AGR3: variants seen among roughly 807,000 people sequenced by gnomAD.
AGR3 encodes anterior gradient protein 3.
In AGR3, 37 loss-of-function variants were observed where a neutral mutation model predicts 24.5. That is an observed-to-expected ratio of 1.51 (90% CI 1.16 to 1.99). The LOEUF (loss-of-function observed/expected upper bound fraction) is 1.99. AGR3 is among the 30% of genes most tolerant of loss of function. AGR3 has a pLI of 0.00. For synonymous variants in AGR3, 75 were observed against 61.6 expected (o/e 1.22, Z -1.02); for missense variants, 228 against 191.1 (o/e 1.19, Z -1.14).
intron 1 of AGR3, 49 bp from the exon 2 acceptor site, chr7:16,878,694 A>C: frequency 1.5e-6 from 2 of 1,351,886 alleles, no homozygotes; most frequent in Non-Finnish European, 2.1e-6. Flanking sequence ...ACTTCAAGCT[A>C]TTATTAGAAG....
At chr7:16,873,879 G>T in intron 2 of AGR3, 36 bp from the exon 3 acceptor site, 1 of 1,510,590 alleles carries the variant, frequency 6.6e-7, no homozygotes, top group Non-Finnish European at 9.2e-7. Flanking sequence ...CAGTAACCCA[G>T]AACTAGAGAA....
intron 5 of AGR3, 30 bp from the exon 6 acceptor site, chr7:16,861,477 A>G: frequency 6.4e-7 from 1 of 1,557,880 alleles, no homozygotes; most frequent in African/African-American, 1.4e-5. Flanking sequence ...AAAGAATGTT[A>G]TTGGATTCAT....
intron 3 of AGR3, among the ~76,000 whole-genome samples, chr7:16,871,961 C>G (rs1781874579): frequency 1.3e-5 from 2 of 151,912 alleles, no homozygotes; most frequent in Admixed American, 1.3e-4. Flanking sequence ...AAGAGAACAC[C>G]AAAAAATGGA....
chr7:16,877,137 G>A (rs1215609619), intron 2 of AGR3, among the ~76,000 whole-genome samples: 1 of 151,262 alleles, frequency 6.6e-6, no homozygotes, highest in Non-Finnish European at 1.5e-5. Context: ...CACTTGGCTG[G>A]CACTCAATAC....
chr7:16,875,114 C>CAA (rs58302584), intron 2 of AGR3, among the ~76,000 whole-genome samples: 6 of 135,272 alleles, frequency 4.4e-5, no homozygotes, highest in African/African-American at 1.7e-4. Context: ...GACTCCATCT[C>CAA]AAAAAAAAAA....
chr7:16,859,530 TTTC>T lies in AGR3; in HGVS notation c.*49_*51del, dbSNP rs1583833100. 7.9e-7 allele frequency: 1 copy of T among 1,272,050 alleles called. No homozygotes were observed. The highest frequency in any genetic ancestry group is 2.0e-5 in the Admixed American group (1 of 49,368). 78.8% of individuals were successfully genotyped at this position (1,272,050 alleles called of 1,614,324 possible). On this transcript the variant is annotated 3_prime_UTR_variant, in exon 8 of 8. Coordinates refer to ENST00000310398, the MANE Select transcript of AGR3 (RefSeq NM_176813.5). ...TAGTATTTGTCAATGTGCCAGAGGTTTTCTTCATGAAATTTGACTTCTTTGAAG... is the reference window on the plus strand; with the variant it reads ...TAGTATTTGTCAATGTGCCAGAGGTTTTCATGAAATTTGACTTCTTTGAAG...
chr7:16,860,008 C>A (rs1001946634), intron 7 of AGR3, among the ~76,000 whole-genome samples: 1 of 151,528 alleles, frequency 6.6e-6, no homozygotes, highest in African/African-American at 2.4e-5. Flanking sequence ...GTAATCCCAG[C>A]ATTTTGGGAG....
In AGR3 at chr7:16,864,956, A is replaced by G. The variant is rs185808716; in HGVS notation, c.174-2294T>C. 6.3e-5 allele frequency: 62 copies of G among 983,384 alleles called. No homozygotes were observed. In the African/African-American group the frequency reaches 7.9e-4, roughly 13 times the overall value. The allele number at this position is 983,384 out of a possible 1,614,324, so 60.9% of individuals were successfully genotyped here. On this transcript the variant is annotated intron_variant, in intron 3 of 7. Coordinates refer to ENST00000310398, the MANE Select transcript of AGR3 (RefSeq NM_176813.5). Reference sequence around the variant, plus strand: ...AAGTCTATGTAGTTTTGGTGAAGATATAAATTAAATAAGTCTCCTGGCATG... The same window carrying G: ...AAGTCTATGTAGTTTTGGTGAAGATGTAAATTAAATAAGTCTCCTGGCATG...
chr7:16,855,338 TC>T, downstream of AGR3, among the ~76,000 whole-genome samples: 1 of 152,254 alleles, frequency 6.6e-6, no homozygotes, highest in South Asian at 2.1e-4. Flanking sequence ...TGTTACTGTA[TC>T]CTATCCTGGA....
rs1460161966 is a variant in AGR3, at chr7:16,860,540, A to G, written c.411T>C (p.Ser137=). ...GAGGCTCATATGTGTACAATCTGTT[A>G]GAGTATCTTCCAGCTATGTCAGCTC... The part of the protein sequence containing the change: ...TVRADIAGRY[S]NRLYTYEPRD... Residue 137 remains serine, a synonymous_variant, in exon 7 of 8, where the codon TCT becomes TCC. Coordinates refer to ENST00000310398, the MANE Select transcript of AGR3 (RefSeq NM_176813.5). 2.5e-6 allele frequency: 4 copies of G among 1,613,826 alleles called. No homozygotes were observed. Among genetic ancestry groups the G allele is most frequent in the African/African-American group, 2.7e-5 (2 of 74,932 alleles).
intron 3 of AGR3, chr7:16,865,684 CT>C (rs1055063573): frequency 2.5e-6 from 2 of 802,154 alleles, no homozygotes; most frequent in Non-Finnish European, 4.5e-6. Context: ...GCATTTGTAA[CT>C]TGTTATACTT....
In AGR3 at chr7:16,862,017, C is replaced by T. The variant is rs559667259; in HGVS notation, c.270G>A (p.Met90Ile). The T allele has an allele frequency of 1.4e-5, 22 of 1,613,314 alleles. No homozygotes were observed. The African/African-American group carries it at 2.4e-4, about 18-fold the overall frequency. The stretch of plus-strand genomic sequence containing the variant: ...TTAGCATGATGAACTTATTCTGAGC[C>T]ATTTCTTGTATTTCTTCATTTTGGG... ...VFAQNEEIQE[M>I]AQNKFIMLNL... The change falls in exon 5 of 8, where the codon ATG (methionine) becomes ATA (isoleucine). Residue 90 changes from methionine to isoleucine, a missense_variant. By Grantham distance (10) the Met-to-Ile change is conservative (BLOSUM62 1). Coordinates refer to ENST00000310398, the MANE Select transcript of AGR3 (RefSeq NM_176813.5).
chr7:16,880,182 T>A (rs990129974), intron 1 of AGR3, among the ~76,000 whole-genome samples: 5 of 146,480 alleles, frequency 3.4e-5, no homozygotes, highest in African/African-American at 1.3e-4. Context: ...TTCTTTTTTT[T>A]TTTTTTTTGC....
At chr7:16,865,326 C>CTAGAGCAA in intron 3 of AGR3, 1 of 1,184,740 alleles carries the variant, frequency 8.4e-7, no homozygotes, top group South Asian at 1.3e-5. Context: ...ACCAGAACAT[C>CTAGAGCAA]CTTGACAGAG....
chr7:16,860,729 C>A, intron 6 of AGR3, 146 bp from the exon 7 acceptor site: 1 of 606,840 alleles, frequency 1.6e-6, no homozygotes, highest in Non-Finnish European at 2.9e-6. Context: ...GAAGTTTGGG[C>A]TTCAGCTGAA....
chr7:16,855,363 A>T (rs1344330746), downstream of AGR3, among the ~76,000 whole-genome samples: 1 of 151,488 alleles, frequency 6.6e-6, no homozygotes, highest in Non-Finnish European at 1.5e-5. Flanking sequence ...TAACTATGAT[A>T]TACTTCTAGA....
At chr7:16,872,368 C>T (rs771729061) in intron 3 of AGR3, among the ~76,000 whole-genome samples, 24 of 152,232 alleles carry the variant, frequency 1.6e-4, no homozygotes, top group Middle Eastern at 3.4e-3. Flanking sequence ...AGGACACCCT[C>T]TTCAATAAAT....
downstream of AGR3, among the ~76,000 whole-genome samples, chr7:16,859,231 C>A (rs926362655): frequency 1.8e-4 from 27 of 148,280 alleles, no homozygotes; most frequent in African/African-American, 4.7e-4. Context: ...GACTGCATCT[C>A]AAAAAAAAAA....
At chr7:16,867,896 A>G (rs1455917677) in intron 3 of AGR3, among the ~76,000 whole-genome samples, 1 of 152,156 alleles carries the variant, frequency 6.6e-6, no homozygotes, top group Non-Finnish European at 1.5e-5. Flanking sequence ...TTGCTGGATC[A>G]TATGGTAGTT....
Sources: gnomAD v4.1 joint callset for allele counts (sites outside exome capture counted in the v4.1 genomes callset) on GRCh38, gnomAD v4.1.1 for gene constraint, MANE v1.5 for transcripts, NCBI Gene and HGNC (gene_info 2026-07-23, HGNC 2026-07-21) for gene names.